Variants in DPYSL3 observed in about 807,000 individuals in gnomAD.
DPYSL3 encodes the protein dihydropyrimidinase like 3, also known as dihydropyrimidinase-related protein 3.
Under a neutral mutation model 66.1 loss-of-function variants are expected in DPYSL3, and 16 were observed. That is an observed-to-expected ratio of 0.24 (90% CI 0.16 to 0.37). DPYSL3 has a LOEUF of 0.37. DPYSL3 is among the 10% of genes least tolerant of loss of function. The pLI, the probability that DPYSL3 is intolerant of heterozygous loss-of-function variation, is 1.00. For synonymous variants in DPYSL3, 338 were observed against 345.1 expected, an observed-to-expected ratio of 0.98 and a Z score of 0.23; for missense variants, 738 against 916.2, an observed-to-expected ratio of 0.81 and a Z score of 2.51.
chr5:147,476,721 G>T (rs1753160738), intron 1 of DPYSL3, among the ~76,000 whole-genome samples: 1 of 152,200 alleles, frequency 6.6e-6, no homozygotes, highest in Non-Finnish European at 1.5e-5. Flanking sequence ...ATGGAGTATT[G>T]TGGGAGGAGT....
intron 1 of DPYSL3, chr5:147,454,397 C>T (rs1314723877): frequency 6.6e-6 from 1 of 152,224 alleles, no homozygotes; most frequent in African/African-American, 2.4e-5. Context: ...GTCCCCAGAC[C>T]CGGAACATAC....
intron 1 of DPYSL3, among the ~76,000 whole-genome samples, chr5:147,488,742 C>CAG (rs1753372639): frequency 6.6e-6 from 1 of 151,934 alleles, no homozygotes; most frequent in Non-Finnish European, 1.5e-5. Context: ...TGGCCAGGAG[C>CAG]AGTGGCTCAT....
chr5:147,501,932 G>T (rs959949406), intron 1 of DPYSL3, among the ~76,000 whole-genome samples: 2 of 152,140 alleles, frequency 1.3e-5, no homozygotes, highest in African/African-American at 4.8e-5. Flanking sequence ...ATCCAAAACT[G>T]CTCTAAAAAT....
intron 7 of DPYSL3, among the ~76,000 whole-genome samples, chr5:147,407,419 CTTTG>C (rs1412810579): frequency 6.6e-6 from 1 of 152,148 alleles, no homozygotes; most frequent in Non-Finnish European, 1.5e-5. Context: ...CAAAAATAGA[CTTTG>C]CTCTGAAATC....
At chr5:147,422,729 T>C (rs1752106991) in intron 2 of DPYSL3, among the ~76,000 whole-genome samples, 1 of 151,922 alleles carries the variant, frequency 6.6e-6, no homozygotes, top group African/African-American at 2.4e-5. Flanking sequence ...CTGGAAACCA[T>C]CATTCTTAGT....
At chr5:147,453,413 G>T in intron 1 of DPYSL3, 1 of 1,309,262 alleles carries the variant, frequency 7.6e-7, no homozygotes, top group Non-Finnish European at 9.9e-7. Flanking sequence ...GCCGCGCTCC[G>T]CCACCCGGAC....
chr5:147,485,268 T>A (rs1054960693), intron 1 of DPYSL3, among the ~76,000 whole-genome samples: 4 of 152,156 alleles, frequency 2.6e-5, no homozygotes, highest in African/African-American at 9.7e-5. Context: ...AGTTTGGAGA[T>A]TTAGACAAAA....
intron 1 of DPYSL3, among the ~76,000 whole-genome samples, chr5:147,473,899 G>A (rs143700704): frequency 5.7e-4 from 86 of 152,184 alleles, no homozygotes; most frequent in African/African-American, 1.8e-3. Flanking sequence ...CCTGAATAAA[G>A]AGGAAAGAAA....
At chr5:147,394,900 A>G (rs1302283517) in intron 13 of DPYSL3, among the ~76,000 whole-genome samples, 1 of 151,870 alleles carries the variant, frequency 6.6e-6, no homozygotes, top group Non-Finnish European at 1.5e-5. Flanking sequence ...TTGTTATCTT[A>G]CTTCCTTCAC....
At chr5:147,477,628 T>C (rs1396522023) in intron 1 of DPYSL3, among the ~76,000 whole-genome samples, 1 of 125,138 alleles carries the variant, frequency 8.0e-6, no homozygotes, top group African/African-American at 3.0e-5. Flanking sequence ...CAGGCCGGAC[T>C]GCGGACTGCA....
At chr5:147,468,603 G>T (rs559443111) in intron 1 of DPYSL3, among the ~76,000 whole-genome samples, 3 of 152,036 alleles carry the variant, frequency 2.0e-5, no homozygotes, top group African/African-American at 7.3e-5. Context: ...AAAGACTATC[G>T]CAAGAAACTA....
At chr5:147,496,156 C>T (rs1307796938) in intron 1 of DPYSL3, among the ~76,000 whole-genome samples, 1 of 152,074 alleles carries the variant, frequency 6.6e-6, no homozygotes, top group Non-Finnish European at 1.5e-5. Flanking sequence ...GGAAAGGATT[C>T]CCTATTTAAT....
intron 1 of DPYSL3, among the ~76,000 whole-genome samples, chr5:147,495,000 C>T (rs369441611): frequency 7.2e-5 from 11 of 151,996 alleles, no homozygotes; most frequent in African/African-American, 2.4e-4. Context: ...CCAAAACTCC[C>T]ACAAGAAGAA....
At chr5:147,495,502 T>C (rs959641339) in intron 1 of DPYSL3, among the ~76,000 whole-genome samples, 10 of 152,120 alleles carry the variant, frequency 6.6e-5, no homozygotes, top group African/African-American at 1.9e-4. Context: ...GAAAACCCCA[T>C]CGTCTCAGCC....
At chr5:147,498,911 A>G (rs1243262381) in intron 1 of DPYSL3, among the ~76,000 whole-genome samples, 1 of 152,026 alleles carries the variant, frequency 6.6e-6, no homozygotes, top group Admixed American at 6.6e-5. Flanking sequence ...GCTGTGCAGA[A>G]GCTCCTTAGT....
At chr5:147,433,870 A>G (rs897418721) in intron 1 of DPYSL3, among the ~76,000 whole-genome samples, 1 of 152,078 alleles carries the variant, frequency 6.6e-6, no homozygotes, top group Admixed American at 6.5e-5. Flanking sequence ...CGTCTCTACT[A>G]AAAATACAAA....
At chr5:147,498,511 C>G (rs1226851265) in intron 1 of DPYSL3, among the ~76,000 whole-genome samples, 1 of 152,162 alleles carries the variant, frequency 6.6e-6, no homozygotes, top group Admixed American at 6.5e-5. Flanking sequence ...GAGGAATTGC[C>G]ACACCGTCTT....
intron 1 of DPYSL3, among the ~76,000 whole-genome samples, chr5:147,448,945 C>T (rs1055122640): frequency 3.9e-5 from 6 of 152,228 alleles, no homozygotes; most frequent in African/African-American, 2.4e-5. Context: ...GCTTTCCATT[C>T]TTAAGTGTTT....
intron 8 of DPYSL3, among the ~76,000 whole-genome samples, chr5:147,402,339 G>A (rs895856611): frequency 7.6e-6 from 1 of 131,062 alleles, no homozygotes; most frequent in Non-Finnish European, 1.6e-5. Context: ...AGACTCTCAT[G>A]ACTTTTTTTT....
Sources: gnomAD v4.1 joint callset for allele counts (sites outside exome capture counted in the v4.1 genomes callset) on GRCh38, gnomAD v4.1.1 for gene constraint, MANE v1.5 for transcripts, NCBI Gene and HGNC (gene_info 2026-07-23, HGNC 2026-07-21) for gene names.